Variants in C3orf20 observed in about 807,000 individuals in gnomAD.
C3orf20 encodes family with sequence similarity 149 member C, also known as uncharacterized protein C3orf20.
In C3orf20, 76 loss-of-function variants were observed where a neutral mutation model predicts 88.3. That is an observed-to-expected ratio of 0.86 (90% CI 0.72 to 1.04). C3orf20 has a LOEUF of 1.04. Ranked by LOEUF, C3orf20 falls within the 50% of genes least tolerant of loss-of-function variation. The pLI, the probability that C3orf20 is intolerant of heterozygous loss-of-function variation, is 0.00. For missense variants in C3orf20, 1,056 were observed against 1,123.3 expected, an observed-to-expected ratio of 0.94 and a Z score of 0.86; for synonymous variants, 436 against 437.4, an observed-to-expected ratio of 1.00 and a Z score of 0.04.
At chr3:14,747,973 TTGTC>T (rs2035106348) in intron 12 of C3orf20, among the ~76,000 whole-genome samples, 1 of 152,170 alleles carries the variant, frequency 6.6e-6, no homozygotes, top group East Asian at 1.9e-4. Context: ...TGTAGTGTCT[TTGTC>T]TGGCTTTGGT....
intron 12 of C3orf20, among the ~76,000 whole-genome samples, chr3:14,755,037 T>C (rs1413563399): frequency 5.9e-5 from 9 of 152,216 alleles, no homozygotes; most frequent in Admixed American, 5.9e-4. Context: ...CCCTCCTTTA[T>C]AATTTTTAAA....
rs17040157 is a variant in C3orf20 at position 14,683,196 on chromosome 3, G to A, written c.483G>A (p.Ser161=). 4,789 of 1,573,374 alleles carry A rather than the reference G, an allele frequency of 3.0e-3. 103 individuals carry two copies. The African/African-American group carries it at 0.057, about 19-fold the overall frequency. ...LKMKAMVESM[S]VGANPLDITR... is the part of the protein sequence containing the mutation. ...TGAAGGCCATGGTGGAGTCTATGTC[G>A]GGTAAGGCCCAGATGTTTGTGTATG... is the stretch of plus-strand genomic sequence containing the variant. The change falls in exon 3 of 17, where the codon TCG becomes TCA. Residue 161 remains serine, a splice_region_variant and synonymous_variant. Transcript: ENST00000253697.
At chr3:14,683,905 T>A (rs1410016540) in intron 3 of C3orf20, among the ~76,000 whole-genome samples, 2 of 133,726 alleles carry the variant, frequency 1.5e-5, no homozygotes, top group Non-Finnish European at 3.2e-5. Context: ...AGAACCGGGG[T>A]CCTTCCAAAG....
At chr3:14,749,921 C>A (rs77552044) in intron 12 of C3orf20, among the ~76,000 whole-genome samples, 4,624 of 151,608 alleles carry the variant, frequency 0.03, 225 homozygotes, top group African/African-American at 0.11. Context: ...TTATAAAAAA[C>A]GTCTTTATGC....
At chr3:14,770,744 A>G (rs911414108) in intron 15 of C3orf20, among the ~76,000 whole-genome samples, 1 of 152,180 alleles carries the variant, frequency 6.6e-6, no homozygotes, top group African/African-American at 2.4e-5. Context: ...TAGACAGTGC[A>G]TACATGGGCC....
chr3:14,721,086 C>T (rs956123190), intron 9 of C3orf20, among the ~76,000 whole-genome samples: 1 of 152,230 alleles, frequency 6.6e-6, no homozygotes, highest in Non-Finnish European at 1.5e-5. Context: ...CTTTTCCACC[C>T]ATCTTTGGCT....
At chr3:14,761,734 G>A (rs1269690077) in intron 15 of C3orf20, 119 bp downstream of exon 15, 15 of 1,019,860 alleles carry the variant, frequency 1.5e-5, no homozygotes, top group Middle Eastern at 3.2e-4. Flanking sequence ...GGATGGAGTG[G>A]GGAGGGGGGC....
intron 7 of C3orf20, among the ~76,000 whole-genome samples, chr3:14,707,741 C>T (rs9822010): frequency 0.85 from 128,031 of 151,074 alleles, 54,390 homozygotes; most frequent in Non-Finnish European, 0.89. Flanking sequence ...ACCTTTCTTT[C>T]GCTGCTTATG....
rs2035902682 is a variant in C3orf20, at chr3:14,772,976, A to G, written c.*101A>G. On this transcript the variant is annotated 3_prime_UTR_variant, in exon 17 of 17. Coordinates refer to ENST00000253697, the MANE Select transcript of C3orf20 (RefSeq NM_032137.5). This position sits in a 1 kb window ranked among gnomAD's most constrained non-coding sequence, Gnocchi z 4.2. ...TCCCCGGTCTCCCACCCTGTCCTCC[A>G]AGCTTCTATAATAAACCAGCGGGCC... 1 of 850,456 alleles carries G rather than the reference A, an allele frequency of 1.2e-6. No individual in the cohort carries two copies. The highest frequency in any genetic ancestry group is 2.0e-6 in the Non-Finnish European group (1 of 507,306). 52.7% of individuals were successfully genotyped at this position (850,456 alleles called of 1,614,324 possible).
Position 14,761,494 on chromosome 3 carries a change from A to T in C3orf20, c.2374A>T (p.Ile792Phe). The change falls in exon 15 of 17, where the codon ATT becomes TTT. Residue 792 changes from isoleucine (I) to phenylalanine (F), a missense_variant. Ile to Phe is a conservative substitution (Grantham distance 21, BLOSUM62 0). Coordinates refer to ENST00000253697, the MANE Select transcript of C3orf20 (RefSeq NM_032137.5). ...ACAGATGTTTGCCGGGGGGAAGCTC[A>T]TTTTTGGGGGCCGTGTTTTGAATGG... ...MILMFAGGKL[I>F]FGGRVLNGYG... The T allele has an allele frequency of 1.2e-6, 2 of 1,613,906 alleles. No homozygotes were observed. The highest frequency in any genetic ancestry group is 4.5e-5 in the East Asian group (2 of 44,798).
At chr3:14,703,564 A>T (rs908531792) in intron 6 of C3orf20, among the ~76,000 whole-genome samples, 1 of 152,222 alleles carries the variant, frequency 6.6e-6, no homozygotes, top group Non-Finnish European at 1.5e-5. Flanking sequence ...CTAAGCAGGT[A>T]TGTGAGTAAG....
At chr3:14,678,533 A>G (rs1207277364) in intron 1 of C3orf20, among the ~76,000 whole-genome samples, 1 of 152,240 alleles carries the variant, frequency 6.6e-6, no homozygotes, top group Non-Finnish European at 1.5e-5. Context: ...CCTGTCCCAG[A>G]AGCTAACTGG....
In C3orf20 at chr3:14,768,792, T is replaced by C. The variant is rs989533521; in HGVS notation, c.2496-3275T>C. 6.6e-6 allele frequency among the ~76,000 whole-genome samples: 1 copy of C among 152,042 alleles called. No individual in the cohort carries two copies. Among genetic ancestry groups the C allele is most frequent in the African/African-American group, 2.4e-5 (1 of 41,344 alleles). The stretch of plus-strand genomic sequence containing the variant: ...ACAAGGGCCTGTTCTTGTGGATGCT[T>C]TTCCTTTTCACTGTGGTGAGTACAA... On this transcript the variant is annotated intron_variant, in intron 15 of 16. Coordinates refer to ENST00000253697, the MANE Select transcript of C3orf20 (RefSeq NM_032137.5). The surrounding 1 kb of genome is among the most constrained non-coding windows in gnomAD (Gnocchi z 4.1).
At chr3:14,722,310 A>T (rs567271863) in intron 10 of C3orf20, 1 of 372,044 alleles carries the variant, frequency 2.7e-6, no homozygotes, top group African/African-American at 2.1e-5. Context: ...CATTGGCTCT[A>T]TTAACTGCCC....
rs563292832 is a variant in C3orf20, at chr3:14,675,906, G to C, written c.-299+654G>C. Among the ~76,000 whole-genome samples the C allele has an allele frequency of 4.2e-4, 64 of 152,144 alleles. 2 individuals are homozygous for C. In the South Asian group the frequency reaches 0.012, roughly 30 times the overall value. ...GGGTTTCACCCATGTTGGCCAGGCT[G>C]GTCTCGAGCTCCTGACCTCAGATGA... On this transcript the variant is annotated intron_variant, in intron 1 of 16. Coordinates refer to ENST00000253697, the MANE Select transcript of C3orf20 (RefSeq NM_032137.5).
chr3:14,692,495 A>G (rs1010496156), intron 5 of C3orf20, among the ~76,000 whole-genome samples: 8 of 152,294 alleles, frequency 5.3e-5, no homozygotes, highest in African/African-American at 1.9e-4. Context: ...TCTGACTATC[A>G]GTGATGTTGG....
rs147482078 is a variant in C3orf20, at chr3:14,683,778, A to G, written c.485-464A>G. Among the ~76,000 whole-genome samples the G allele has an allele frequency of 4.9e-3, 741 of 151,298 alleles. 5 individuals are homozygous for G. The highest frequency in any genetic ancestry group is 0.017 in the African/African-American group (701 of 41,226). On this transcript the variant is annotated intron_variant, in intron 3 of 16. Coordinates refer to ENST00000253697, the MANE Select transcript of C3orf20 (RefSeq NM_032137.5). ...GTAATCCCAGCTACGCAGAAGGCCA[A>G]GGCAGGAGAATCGCTTGAACCCAGG...
chr3:14,770,073 G>T (rs1174714096), intron 15 of C3orf20, among the ~76,000 whole-genome samples: 1 of 152,126 alleles, frequency 6.6e-6, no homozygotes, highest in Non-Finnish European at 1.5e-5. Context: ...CTCTAGGGGG[G>T]CCCTGGAGGA....
intron 5 of C3orf20, among the ~76,000 whole-genome samples, chr3:14,696,169 G>A (rs1575100785): frequency 6.8e-6 from 1 of 147,280 alleles, no homozygotes; most frequent in African/African-American, 2.5e-5. Context: ...TTGATTTGAG[G>A]TTACCATGAG....
Sources: gnomAD v4.1 joint callset for allele counts (sites outside exome capture counted in the v4.1 genomes callset) on GRCh38, gnomAD v4.1.1 for gene constraint, Gnocchi (gnomAD v3.1) non-coding constraint, MANE v1.5 for transcripts, NCBI Gene and HGNC (gene_info 2026-07-23, HGNC 2026-07-21) for gene names.